NECTIN1: variants seen among roughly 807,000 people sequenced by gnomAD.
NECTIN1 encodes nectin-1.
In NECTIN1, 23 loss-of-function variants were observed where a neutral mutation model predicts 48.0. The ratio of observed to expected loss-of-function variants is 0.48; its 90% confidence interval spans 0.34 to 0.68. The LOEUF is 0.68. Among genes scored for constraint, NECTIN1 ranks in the 30% least tolerant of loss-of-function variants. NECTIN1 has a pLI of 0.01. For missense variants in NECTIN1, 591 were observed against 709.9 expected, an observed-to-expected ratio of 0.83 and a Z score of 1.90; for synonymous variants, 270 against 288.9, an observed-to-expected ratio of 0.93 and a Z score of 0.66.
chr11:119,681,879 C>T (rs1865065494), intron 1 of NECTIN1, among the ~76,000 whole-genome samples: 1 of 152,120 alleles, frequency 6.6e-6, no homozygotes, highest in Admixed American at 6.5e-5. Flanking sequence ...GGTACAGACT[C>T]ACTTTGGTAT....
intron 1 of NECTIN1, among the ~76,000 whole-genome samples, chr11:119,708,533 G>A (rs530529598): frequency 6.9e-6 from 1 of 144,932 alleles, no homozygotes; most frequent in Non-Finnish European, 1.5e-5. Flanking sequence ...GCCACATACT[G>A]TATGATTCCA....
chr11:119,661,084 G>A lies in NECTIN1; in HGVS notation c.*3663C>T, dbSNP rs189774675. The A allele has an allele frequency of 1.9e-5, 19 of 982,660 alleles. No homozygotes were observed. In the East Asian group the frequency reaches 2.0e-3, roughly 106 times the overall value. 60.9% of individuals were successfully genotyped at this position (982,660 alleles called of 1,614,324 possible). On this transcript the variant is annotated 3_prime_UTR_variant, in exon 6 of 6. Transcript: ENST00000264025. ...TTTTTTTTAATACAAGTAAAAGGGG[G>A]TGATGCAAACACCCCCCAGGTCAGA...
At position 119,728,776 on chromosome 11, in the gene NECTIN1, G is replaced by GC. The variant is rs1865965092; in HGVS notation, c.-224dup. ...CTCAGAGGCTCGGCAGATGCCCGCC[G>GC]CAAGTTGCACGAGTCATGCCCCTTC... On this transcript the variant is annotated 5_prime_UTR_variant, in exon 1 of 6. An upstream open reading frame in the 5' UTR loses its in-frame stop. Transcript: ENST00000264025. 2.3e-6 allele frequency: 1 copy of GC among 442,370 alleles called. No individual in the cohort carries two copies. Among genetic ancestry groups the GC allele is most frequent in the Admixed American group, 4.5e-5 (1 of 22,450 alleles). The allele number at this position is 442,370 out of a possible 1,614,324, so 27.4% of individuals were successfully genotyped here. A position where few individuals can be genotyped will look rare whatever the true frequency, so the allele number is the denominator to read the frequency against.
In NECTIN1 at chr11:119,664,140, G is replaced by T. The variant is rs187441699; in HGVS notation, c.*607C>A. On this transcript the variant is annotated 3_prime_UTR_variant, in exon 6 of 6. Coordinates refer to ENST00000264025, the MANE Select transcript of NECTIN1 (RefSeq NM_002855.5). ...CCCTCAGCAGGAAAACACTGCCCAA[G>T]GCCCCGCTTAACAAACAAGACTCCC... The T allele has an allele frequency of 0.011, 11,104 of 986,236 alleles. 78 individuals carry two copies. The highest frequency in any genetic ancestry group is 0.018 in the Middle Eastern group (35 of 1,914). 61.1% of individuals were successfully genotyped at this position (986,236 alleles called of 1,614,324 possible).
intron 1 of NECTIN1, among the ~76,000 whole-genome samples, chr11:119,682,162 A>T (rs1865070490): frequency 6.6e-6 from 1 of 152,112 alleles, no homozygotes; most frequent in Admixed American, 6.5e-5. Flanking sequence ...CTCATTCTTT[A>T]GATTGGGAGG....
intron 5 of NECTIN1, among the ~76,000 whole-genome samples, chr11:119,649,625 G>A (rs1174190067): frequency 6.6e-6 from 1 of 152,178 alleles, no homozygotes; most frequent in East Asian, 1.9e-4. Flanking sequence ...TGGAGGCGGA[G>A]GTTGCAGTGA....
At chr11:119,708,650 G>A (rs1349004279) in intron 1 of NECTIN1, among the ~76,000 whole-genome samples, 3 of 152,124 alleles carry the variant, frequency 2.0e-5, no homozygotes, top group Non-Finnish European at 4.4e-5. Context: ...AATGAATACC[G>A]AGGTTCTTTC....
chr11:119,653,751 T>G (rs555016440), intron 5 of NECTIN1, among the ~76,000 whole-genome samples: 1 of 152,350 alleles, frequency 6.6e-6, no homozygotes, highest in African/African-American at 2.4e-5. Flanking sequence ...GCGCTCAGTC[T>G]GTTCTAGGTG....
Position 119,673,963 on chromosome 11 carries a change from C to T in NECTIN1, c.1003+1196G>A, listed in dbSNP as rs977682127. 6.6e-5 allele frequency among the ~76,000 whole-genome samples: 10 copies of T among 152,236 alleles called. No individual in the cohort carries two copies. Among genetic ancestry groups the T allele is most frequent in the African/African-American group, 2.4e-4 (10 of 41,466 alleles). On this transcript the variant is annotated intron_variant, in intron 5 of 5. Coordinates refer to ENST00000264025, the MANE Select transcript of NECTIN1 (RefSeq NM_002855.5). The surrounding 1 kb of genome is among the most constrained non-coding windows in gnomAD (Gnocchi z 5.8). ...AGACAACAGCAGGTGGCTCCACACT[C>T]CCGCCCCTGGGTGAGAGACGTGACA...
intron 1 of NECTIN1, among the ~76,000 whole-genome samples, chr11:119,700,419 T>C (rs1865430891): frequency 1.3e-5 from 2 of 152,222 alleles, no homozygotes; most frequent in Non-Finnish European, 1.5e-5. Context: ...GCCAGTGAAC[T>C]GTGTGGCTTT....
intron 1 of NECTIN1, among the ~76,000 whole-genome samples, chr11:119,707,783 G>A (rs1389425454): frequency 6.6e-6 from 1 of 152,170 alleles, no homozygotes; most frequent in Non-Finnish European, 1.5e-5. Flanking sequence ...ATTATACATT[G>A]TAGGCAGGTA....
intron 1 of NECTIN1, among the ~76,000 whole-genome samples, chr11:119,714,166 A>T (rs7927510): frequency 0.97 from 147,494 of 152,252 alleles, 71,477 homozygotes; most frequent in South Asian, 0.98. Flanking sequence ...GTGGGCCCCT[A>T]TTGAGGGGCA....
intron 1 of NECTIN1, among the ~76,000 whole-genome samples, chr11:119,725,775 G>A (rs1430134507): frequency 6.6e-6 from 1 of 152,184 alleles, no homozygotes; most frequent in Non-Finnish European, 1.5e-5. Flanking sequence ...TGACACCTGG[G>A]GTGTGTGTTC....
intron 1 of NECTIN1, among the ~76,000 whole-genome samples, chr11:119,707,845 C>A (rs747987897): frequency 6.6e-6 from 1 of 152,210 alleles, no homozygotes; most frequent in Non-Finnish European, 1.5e-5. Flanking sequence ...ACTCTTCTAC[C>A]CCTGCTTTAA....
chr11:119,720,345 AC>A (rs981163610), intron 1 of NECTIN1, among the ~76,000 whole-genome samples: 4 of 152,252 alleles, frequency 2.6e-5, no homozygotes, highest in African/African-American at 9.6e-5. Context: ...TGTACCCCAG[AC>A]CAGCTGCTGG....
intron 1 of NECTIN1, among the ~76,000 whole-genome samples, chr11:119,685,758 A>G (rs1246197253): frequency 2.0e-4 from 31 of 151,806 alleles, no homozygotes; most frequent in Admixed American, 2.0e-3. Context: ...CTCTTGGATC[A>G]CTCTCCTGTA....
chr11:119,645,407 C>T (rs549998243), intron 5 of NECTIN1, among the ~76,000 whole-genome samples: 4 of 152,126 alleles, frequency 2.6e-5, no homozygotes, highest in African/African-American at 2.4e-5. Context: ...GTCATTGTTA[C>T]GTTGAAACCC....
rs1186459632 is a variant in NECTIN1, at chr11:119,673,057, C to T, written c.1003+2102G>A. Among the ~76,000 whole-genome samples the T allele has an allele frequency of 1.3e-5, 2 of 152,260 alleles. No individual in the cohort carries two copies. The highest frequency in any genetic ancestry group is 2.4e-5 in the African/African-American group (1 of 41,468). On this transcript the variant is annotated intron_variant, in intron 5 of 5. Transcript: ENST00000264025. The surrounding 1 kb of genome is among the most constrained non-coding windows in gnomAD (Gnocchi z 5.8). ...TGAAAAATTAAATTTCCACTTATCCCTCTCGCTCATGCATTCCCTCTGGAC... is the reference window on the plus strand; with the variant it reads ...TGAAAAATTAAATTTCCACTTATCCTTCTCGCTCATGCATTCCCTCTGGAC...
rs549128720 is a variant in NECTIN1 at position 119,683,999 on chromosome 11, T to C, written c.80-5234A>G. ...GCAACAAAACACAAAGACTCCTCAG[T>C]TGTGGCGGACAAACCTGCTCCCCAA... On this transcript the variant is annotated intron_variant, in intron 1 of 5. Coordinates refer to ENST00000264025, the MANE Select transcript of NECTIN1 (RefSeq NM_002855.5). This position sits in a 1 kb window ranked among gnomAD's most constrained non-coding sequence, Gnocchi z 4.0. Among the ~76,000 whole-genome samples, 9 of 152,262 alleles carry C rather than the reference T, an allele frequency of 5.9e-5. No homozygotes were observed. The South Asian group carries it at 1.9e-3, about 32-fold the overall frequency.
Sources: allele counts gnomAD v4.1 joint callset (sites outside exome capture counted in the v4.1 genomes callset), GRCh38; gene constraint gnomAD v4.1.1; non-coding constraint Gnocchi (gnomAD v3.1); transcripts MANE v1.5; gene names NCBI Gene and HGNC (gene_info 2026-07-23, HGNC 2026-07-21).